Variants in KLHDC2 observed in about 807,000 individuals in gnomAD.
KLHDC2 encodes the protein kelch domain containing 2, also known as kelch domain-containing protein 2.
A neutral mutation model predicts 62.3 loss-of-function variants in KLHDC2; 38 were observed. That is an observed-to-expected ratio of 0.61 (90% CI 0.47 to 0.80). The LOEUF (loss-of-function observed/expected upper bound fraction) is 0.80. KLHDC2 is among the 30% of genes least tolerant of loss of function. The pLI, the probability that KLHDC2 is intolerant of heterozygous loss-of-function variation, is 0.00. For missense variants in KLHDC2, 430 were observed against 495.3 expected (o/e 0.87, Z 1.25); for synonymous variants, 159 against 161.0 (o/e 0.99, Z 0.09).
chr14:49,778,059 C>T (rs1680209977), intron 4 of KLHDC2, 105 bp downstream of exon 4: 1 of 892,034 alleles, frequency 1.1e-6, no homozygotes, highest in Non-Finnish European at 1.8e-6. Flanking sequence ...TCATAGGGCC[C>T]ATATGAAGAT....
rs544148462 is a variant in KLHDC2, at chr14:49,768,742, C to T, written c.153+121C>T. 4.3e-4 allele frequency: 378 copies of T among 888,654 alleles called. 1 individual carries two copies. The African/African-American group carries it at 5.6e-3, about 13-fold the overall frequency. 55.0% of individuals were successfully genotyped at this position (888,654 alleles called of 1,614,324 possible). ...CGCTCCCCGCCTGCGTCGCGCGCCC[C>T]ACCTCAGACTCTGCCCGTTGGTTGT... On this transcript the variant is annotated intron_variant, in intron 1 of 12. Coordinates refer to ENST00000298307, the MANE Select transcript of KLHDC2 (RefSeq NM_014315.3).
At chr14:49,774,358 TGG>T (rs1889727218) in intron 2 of KLHDC2, among the ~76,000 whole-genome samples, 1 of 152,226 alleles carries the variant, frequency 6.6e-6, no homozygotes, top group African/African-American at 2.4e-5. Context: ...TGGGGCCAGC[TGG>T]CACTGTTTGT....
At position 49,784,935 on chromosome 14, in the gene KLHDC2, C is replaced by T. The variant is rs752834822; in HGVS notation, c.*1982C>T. On this transcript the variant is annotated 3_prime_UTR_variant, in exon 13 of 13. Coordinates refer to ENST00000298307, the MANE Select transcript of KLHDC2 (RefSeq NM_014315.3). ...GAAGGAGAACTTTACCTTTACGCTG[C>T]GGAATAAGTCTTTTTCTCTTGCTGT... The T allele has an allele frequency of 2.6e-5, 42 of 1,612,972 alleles. No individual in the cohort carries two copies. Among genetic ancestry groups the T allele is most frequent in the East Asian group, 1.6e-4 (7 of 44,856 alleles).
rs1402617445 is a variant in KLHDC2 at position 49,780,296 on chromosome 14, G to T, written c.857G>T (p.Gly286Val). 3.7e-6 allele frequency: 6 copies of T among 1,610,812 alleles called. No homozygotes were observed. Among genetic ancestry groups the T allele is most frequent in the Non-Finnish European group, 4.2e-6 (5 of 1,177,066 alleles). ...TCAGATCATCTTTTTCTCTTTGGAG[G>T]ATTTACCACTGATAAACAGCCACTA... ...VSSDHLFLFG[G>V]FTTDKQPLSD... is the part of the protein sequence containing the mutation. The change falls in exon 9 of 13, where the codon GGA (glycine) becomes GTA (valine). Residue 286 changes from glycine to valine, a missense_variant. Coordinates refer to ENST00000298307, the MANE Select transcript of KLHDC2 (RefSeq NM_014315.3).
Position 49,782,407 on chromosome 14 carries a change from G to GT in KLHDC2, c.995dup (p.Ile333AsnfsTer20). 1 of 1,612,690 alleles carries GT rather than the reference G, an allele frequency of 6.2e-7. No individual in the cohort carries two copies. The highest frequency in any genetic ancestry group is 8.5e-7 in the Non-Finnish European group (1 of 1,178,792). ...AGCTTGTGCCAGCGATGAAGGAGAA[G>GT]TAATTGTTTTTGGTGGATGTGCCAA... On this transcript the variant is annotated frameshift_variant, in exon 11 of 13. Coordinates refer to ENST00000298307, the MANE Select transcript of KLHDC2 (RefSeq NM_014315.3). LOFTEE classifies it high-confidence loss of function.
chr14:49,777,999 G>A (rs776514160), intron 4 of KLHDC2, 45 bp downstream of exon 4: 2 of 1,224,822 alleles, frequency 1.6e-6, no homozygotes, highest in Non-Finnish European at 2.4e-6. Flanking sequence ...GTGTAAAGTG[G>A]TTTACCATTC....
intron 2 of KLHDC2, 58 bp from the exon 3 acceptor site, chr14:49,774,503 A>C: frequency 3.7e-6 from 4 of 1,067,622 alleles, no homozygotes; most frequent in Non-Finnish European, 5.8e-6. Context: ...AAGAAAAATT[A>C]ATAGACTTTT....
intron 7 of KLHDC2, 23 bp downstream of exon 7, chr14:49,779,698 T>C: frequency 1.9e-6 from 3 of 1,611,802 alleles, no homozygotes; most frequent in South Asian, 1.1e-5. Flanking sequence ...ACGACTTCAA[T>C]GACTTGCTTT....
In KLHDC2 at chr14:49,768,521, T is replaced by G; in HGVS notation, c.53T>G (p.Phe18Cys). 1 of 1,611,146 alleles carries G rather than the reference T, an allele frequency of 6.2e-7. No individual in the cohort carries two copies. The highest frequency in any genetic ancestry group is 8.5e-7 in the Non-Finnish European group (1 of 1,179,010). ...GCTGACGACTTGCCTGGGCCAGCCT[T>G]CGAGAGCTATGAGTCCATGGAGCTT... ...LRADDLPGPA[F>C]ESYESMELAC... is the part of the protein sequence containing the mutation. Residue 18 changes from phenylalanine to cysteine, a missense_variant, in exon 1 of 13, where the codon TTC becomes TGC. Transcript: ENST00000298307.
chr14:49,771,778 G>A (rs984079972), intron 2 of KLHDC2, 105 bp downstream of exon 2: 4 of 634,314 alleles, frequency 6.3e-6, no homozygotes, highest in African/African-American at 1.9e-5. Flanking sequence ...CAACGCGGGC[G>A]GATCTCTCGA....
Position 49,771,613 on chromosome 14 carries a change from T to C in KLHDC2, c.173T>C (p.Leu58Ser). 6.7e-7 allele frequency: 1 copy of C among 1,486,666 alleles called. No individual in the cohort carries two copies. Among genetic ancestry groups the C allele is most frequent in the Non-Finnish European group, 9.4e-7 (1 of 1,064,378 alleles). The allele number at this position is 1,486,666 out of a possible 1,614,324, so 92.1% of individuals were successfully genotyped here. ...GGYKSNQVRG[L>S]YDFYLPREEL... ...TCTTAGAGTAATCAAGTCAGAGGAT[T>C]ATATGACTTTTATCTGCCTAGAGAA... The change falls in exon 2 of 13, where the codon TTA becomes TCA. Residue 58 changes from leucine (L) to serine (S), a missense_variant. Coordinates refer to ENST00000298307, the MANE Select transcript of KLHDC2 (RefSeq NM_014315.3).
intron 10 of KLHDC2, among the ~76,000 whole-genome samples, chr14:49,781,722 A>T (rs1010618241): frequency 3.3e-5 from 5 of 152,060 alleles, no homozygotes; most frequent in African/African-American, 1.2e-4. Flanking sequence ...ATACATGGGG[A>T]AAAAACAAGA....
At chr14:49,772,843 C>T (rs955148163) in intron 2 of KLHDC2, among the ~76,000 whole-genome samples, 1 of 152,158 alleles carries the variant, frequency 6.6e-6, no homozygotes, top group East Asian at 1.9e-4. Context: ...ATAATCCCAG[C>T]TACTAGGGAG....
rs1466389693 is a variant in KLHDC2 at position 49,771,586 on chromosome 14, A to T, written c.154-8A>T. ...AGTTTTTATATTTACAATTTTTTTTATTCTTAGAGTAATCAAGTCAGAGGA... is the reference window on the plus strand; with the variant it reads ...AGTTTTTATATTTACAATTTTTTTTTTTCTTAGAGTAATCAAGTCAGAGGA... On this transcript the variant is annotated splice_region_variant and splice_polypyrimidine_tract_variant and intron_variant, in intron 1 of 12. Coordinates refer to ENST00000298307, the MANE Select transcript of KLHDC2 (RefSeq NM_014315.3). 2.4e-6 allele frequency: 3 copies of T among 1,270,402 alleles called. No individual in the cohort carries two copies. Among genetic ancestry groups the T allele is most frequent in the Non-Finnish European group, 3.4e-6 (3 of 878,946 alleles). The allele number at this position is 1,270,402 out of a possible 1,614,324, so 78.7% of individuals were successfully genotyped here.
intron 10 of KLHDC2, among the ~76,000 whole-genome samples, chr14:49,781,681 A>AGC (rs918426590): frequency 2.6e-5 from 4 of 151,822 alleles, no homozygotes; most frequent in Admixed American, 6.6e-5. Context: ...TGGGTGATAG[A>AGC]GCAAGACTCT....
rs1338433272 is a variant in KLHDC2, at chr14:49,785,267, C to T, written c.*2314C>T. 15 of 1,613,960 alleles carry T rather than the reference C, an allele frequency of 9.3e-6. No homozygotes were observed. The highest frequency in any genetic ancestry group is 1.2e-5 in the Non-Finnish European group (14 of 1,179,926). ...AAGGGGCACATATTGGAATGGCAAACAGTAGTACATCTTCAGGATGTGGCT... is the reference window on the plus strand; with the variant it reads ...AAGGGGCACATATTGGAATGGCAAATAGTAGTACATCTTCAGGATGTGGCT... On this transcript the variant is annotated 3_prime_UTR_variant, in exon 13 of 13. Coordinates refer to ENST00000298307, the MANE Select transcript of KLHDC2 (RefSeq NM_014315.3).
chr14:49,771,955 C>T (rs1490866274), intron 2 of KLHDC2, among the ~76,000 whole-genome samples: 2 of 152,178 alleles, frequency 1.3e-5, no homozygotes, highest in Non-Finnish European at 2.9e-5. Context: ...CGAGCCACTG[C>T]ACTCCAGTCT....
At position 49,780,144 on chromosome 14, in the gene KLHDC2, T is replaced by TA. The variant is rs1302432808; in HGVS notation, c.774-65dup. On this transcript the variant is annotated intron_variant, in intron 8 of 12. Coordinates refer to ENST00000298307, the MANE Select transcript of KLHDC2 (RefSeq NM_014315.3). ...TTTCATAACATGTACATATAAATTT[T>TA]AAAAGAAAACTTAAAAATACAGTAG... The TA allele has an allele frequency of 5.8e-6, 6 of 1,041,004 alleles. No homozygotes were observed. The Admixed American group carries it at 1.2e-4, about 21-fold the overall frequency. The allele number at this position is 1,041,004 out of a possible 1,614,324, so 64.5% of individuals were successfully genotyped here.
chr14:49,770,839 A>G (rs550453754), intron 1 of KLHDC2, among the ~76,000 whole-genome samples: 1 of 152,358 alleles, frequency 6.6e-6, no homozygotes, highest in African/African-American at 2.4e-5. Context: ...TAAGGATTTA[A>G]TATTTTGCAT....
Sources: allele counts gnomAD v4.1 joint callset (sites outside exome capture counted in the v4.1 genomes callset), GRCh38; gene constraint gnomAD v4.1.1; transcripts MANE v1.5; gene names NCBI Gene and HGNC (gene_info 2026-07-23, HGNC 2026-07-21).